PTPN1: variants seen among roughly 807,000 people sequenced by gnomAD.
PTPN1 encodes protein tyrosine phosphatase non-receptor type 1.
A neutral mutation model predicts 59.9 loss-of-function variants in PTPN1; 12 were observed. That is an observed-to-expected ratio of 0.20 (90% CI 0.13 to 0.32). PTPN1 has a LOEUF of 0.32. Among genes scored for constraint, PTPN1 ranks in the 10% least tolerant of loss-of-function variants. PTPN1 has a pLI of 1.00. For missense variants in PTPN1, 356 were observed against 549.2 expected (o/e 0.65, Z 3.52); for synonymous variants, 178 against 203.6 (o/e 0.87, Z 1.07).
chr20:50,567,422 G>A (rs188471653), intron 3 of PTPN1, among the ~76,000 whole-genome samples: 292 of 151,936 alleles, frequency 1.9e-3, no homozygotes, highest in Non-Finnish European at 1.4e-3. Context: ...GCGAGACTCT[G>A]CCTCAAAAAA....
At chr20:50,564,519 G>A (rs1011188038) in intron 2 of PTPN1, among the ~76,000 whole-genome samples, 4 of 152,218 alleles carry the variant, frequency 2.6e-5, no homozygotes, top group East Asian at 3.9e-4. Context: ...ATTTGAATCC[G>A]GGAGATGGAG....
intron 7 of PTPN1, 115 bp downstream of exon 7, chr20:50,579,444 C>G: frequency 8.0e-7 from 1 of 1,246,608 alleles, no homozygotes; most frequent in Non-Finnish European, 1.1e-6. Flanking sequence ...AAATAGCTAC[C>G]CTTCATGTTT....
At chr20:50,511,515 T>A (rs952316397) in intron 1 of PTPN1, among the ~76,000 whole-genome samples, 2 of 152,186 alleles carry the variant, frequency 1.3e-5, no homozygotes, top group African/African-American at 2.4e-5. Flanking sequence ...AGGTTAACGT[T>A]TTAACCCTCT....
rs879944243 is a variant in PTPN1 at position 50,531,013 on chromosome 20, T to A, written c.63+20423T>A. 5.3e-5 allele frequency among the ~76,000 whole-genome samples: 8 copies of A among 152,104 alleles called. 1 individual carries two copies. The highest frequency in any genetic ancestry group is 3.9e-4 in the Admixed American group (6 of 15,276). On this transcript the variant is annotated intron_variant, in intron 1 of 9. Coordinates refer to ENST00000371621, the MANE Select transcript of PTPN1 (RefSeq NM_002827.4). ...GCCACTGCACCTGGCCAAGGATTGT[T>A]TTTTAAGTGAACTGAGACCCAGCCT... is the stretch of plus-strand genomic sequence containing the variant.
At chr20:50,558,401 C>T (rs1271171513) in intron 1 of PTPN1, among the ~76,000 whole-genome samples, 2 of 152,170 alleles carry the variant, frequency 1.3e-5, no homozygotes, top group Non-Finnish European at 2.9e-5. Flanking sequence ...ATTTAAAATA[C>T]TTGAGATATT....
rs746819174 is a variant in PTPN1, at chr20:50,561,465, C to T, written c.154+12C>T. 3.2e-5 allele frequency: 51 copies of T among 1,570,442 alleles called. No homozygotes were observed. The highest frequency in any genetic ancestry group is 3.8e-5 in the Non-Finnish European group (44 of 1,144,486). On this transcript the variant is annotated intron_variant, in intron 2 of 9. Transcript: ENST00000371621. ...AGACGTCAGTCCCTGTAAGTATCCA[C>T]GTGGCCGGTACCAGTCTTGCTCTTC...
In PTPN1 at chr20:50,528,340, A is replaced by C. The variant is rs79903565; in HGVS notation, c.63+17750A>C. ...CTTACCTATTGCCAAGTAATCTATC[A>C]AGTCTTATAAAGGGCGGGGCTGCTT... On this transcript the variant is annotated intron_variant, in intron 1 of 9. Coordinates refer to ENST00000371621, the MANE Select transcript of PTPN1 (RefSeq NM_002827.4). Among the ~76,000 whole-genome samples the C allele has an allele frequency of 8.0e-3, 1,224 of 152,178 alleles. 8 individuals carry two copies. Among genetic ancestry groups the C allele is most frequent in the Middle Eastern group, 0.014 (4 of 294 alleles).
chr20:50,539,882 A>G (rs569746681), intron 1 of PTPN1, among the ~76,000 whole-genome samples: 1 of 150,872 alleles, frequency 6.6e-6, no homozygotes, highest in Non-Finnish European at 1.5e-5. Flanking sequence ...GTAGTTTTAA[A>G]TCTTTTTTTT....
chr20:50,530,311 G>A (rs187724731), intron 1 of PTPN1, among the ~76,000 whole-genome samples: 79 of 151,656 alleles, frequency 5.2e-4, no homozygotes, highest in African/African-American at 1.9e-3. Context: ...AAAACCCCTT[G>A]CAGTAAATGA....
chr20:50,524,154 T>C (rs972004392), intron 1 of PTPN1, among the ~76,000 whole-genome samples: 2 of 152,132 alleles, frequency 1.3e-5, no homozygotes, highest in Non-Finnish European at 1.5e-5. Flanking sequence ...CTAGTGGAGG[T>C]TATTCCATCA....
At chr20:50,538,709 A>G (rs569279098) in intron 1 of PTPN1, among the ~76,000 whole-genome samples, 1 of 152,174 alleles carries the variant, frequency 6.6e-6, no homozygotes, top group African/African-American at 2.4e-5. Context: ...AGTTGCTTCT[A>G]TACTATTATC....
In PTPN1 at chr20:50,582,646, G is replaced by C. The variant is rs1189929113; in HGVS notation, c.1285-46G>C. The C allele has an allele frequency of 6.2e-7, 1 of 1,608,990 alleles. No individual in the cohort carries two copies. The highest frequency in any genetic ancestry group is 1.7e-5 in the Admixed American group (1 of 59,454). On this transcript the variant is annotated intron_variant, in intron 9 of 9. Coordinates refer to ENST00000371621, the MANE Select transcript of PTPN1 (RefSeq NM_002827.4). The surrounding 1 kb of genome is among the most constrained non-coding windows in gnomAD (Gnocchi z 4.2). ...GGGTCATGCATGAGGCGACAGCTCT[G>C]CAGGTGCGGGTCTGGGCTCATCTGA...
At chr20:50,567,319 TG>T (rs1273422184) in intron 3 of PTPN1, among the ~76,000 whole-genome samples, 1 of 151,900 alleles carries the variant, frequency 6.6e-6, no homozygotes, top group Non-Finnish European at 1.5e-5. Flanking sequence ...CCCAGCTACT[TG>T]GGAGGCTGAG....
At chr20:50,575,450 A>G (rs977408590) in intron 5 of PTPN1, among the ~76,000 whole-genome samples, 1 of 152,186 alleles carries the variant, frequency 6.6e-6, no homozygotes, top group African/African-American at 2.4e-5. Flanking sequence ...GGGAAGGGTT[A>G]GCAGTTACCA....
chr20:50,581,191 TGCCACAA>T, intron 8 of PTPN1, 67 bp from the exon 9 acceptor site: 1 of 1,510,178 alleles, frequency 6.6e-7, no homozygotes, highest in Non-Finnish European at 8.9e-7. Context: ...CTAGAATTCC[TGCCACAA>T]TAGCAGCATC....
intron 1 of PTPN1, among the ~76,000 whole-genome samples, chr20:50,548,710 A>G (rs1041521837): frequency 6.6e-6 from 1 of 151,828 alleles, no homozygotes; most frequent in Admixed American, 6.6e-5. Flanking sequence ...CTGGCCAAGT[A>G]TGTTTATTTA....
At chr20:50,556,483 C>T (rs767243738) in intron 1 of PTPN1, among the ~76,000 whole-genome samples, 13 of 152,154 alleles carry the variant, frequency 8.5e-5, no homozygotes, top group Non-Finnish European at 1.8e-4. Flanking sequence ...AACCACCACT[C>T]GAGCTCCATC....
chr20:50,573,066 C>T (rs1274788094), intron 4 of PTPN1: 1 of 152,302 alleles, frequency 6.6e-6, no homozygotes, highest in Non-Finnish European at 1.5e-5. Context: ...CTGGTGTTTC[C>T]TAATTTGTTT....
At chr20:50,522,920 A>ATTTTTTTTTTT in intron 1 of PTPN1, among the ~76,000 whole-genome samples, 1 of 140,378 alleles carries the variant, frequency 7.1e-6, no homozygotes. Flanking sequence ...TGCCCGGCTA[A>ATTTTTTTTTTT]TTTTTTTTTT....
Sources: gnomAD v4.1 joint callset for allele counts (sites outside exome capture counted in the v4.1 genomes callset) on GRCh38, gnomAD v4.1.1 for gene constraint, Gnocchi (gnomAD v3.1) non-coding constraint, MANE v1.5 for transcripts, NCBI Gene and HGNC (gene_info 2026-07-23, HGNC 2026-07-21) for gene names.